AP3S2: variants seen among roughly 807,000 people sequenced by gnomAD.
The protein encoded by AP3S2 is adaptor related protein complex 3 subunit sigma 2, also known as AP-3 complex subunit sigma-2.
Under a neutral mutation model 23.4 loss-of-function variants are expected in AP3S2, and 22 were observed. The observed-to-expected ratio is 0.94, with a 90% CI of 0.67 to 1.34. AP3S2 has a LOEUF of 1.34. AP3S2 is among the 40% of genes most tolerant of loss of function. AP3S2 has a pLI of 0.00. For synonymous variants in AP3S2, 86 were observed against 87.1 expected (o/e 0.99, Z 0.07); for missense variants, 241 against 236.9 (o/e 1.02, Z -0.11).
At position 89,837,712 on chromosome 15, in the gene AP3S2, A is replaced by G; in HGVS notation, c.356T>C (p.Ile119Thr). 2.5e-6 allele frequency: 4 copies of G among 1,614,052 alleles called. No homozygotes were observed. Among genetic ancestry groups the G allele is most frequent in the Non-Finnish European group, 3.4e-6 (4 of 1,179,966 alleles). Residue 119 changes from isoleucine to threonine, a missense_variant, in exon 5 of 6, where the codon ATC (isoleucine) becomes ACC (threonine). Coordinates refer to ENST00000336418, the MANE Select transcript of AP3S2 (RefSeq NM_005829.5). ...LIFHMDKVHY[I>T]LQEVVMGGMV... ...CCCACCCATCACCACCTCCTGGAGG[A>G]TGTAGTGCACCTAAAAGGGAAGCAA... is the stretch of plus-strand genomic sequence containing the variant.
chr15:89,864,456 T>C (rs1896071761), intron 4 of AP3S2, among the ~76,000 whole-genome samples: 1 of 152,184 alleles, frequency 6.6e-6, no homozygotes, highest in Non-Finnish European at 1.5e-5. Flanking sequence ...AAAAAACCTA[T>C]AGCAAATACT....
chr15:89,858,489 AAGAAAGAGAGAGAGAGAGAGAG>A (rs1462867436), intron 4 of AP3S2, among the ~76,000 whole-genome samples: 1 of 41,788 alleles, frequency 2.4e-5, no homozygotes, highest in Non-Finnish European at 5.7e-5. Context: ...GAAAGAAAGA[AAGAAAGAGAGAGAGAGAGAGAG>A]AGAGAGAGAG....
chr15:89,889,681 A>C (rs1896774163), intron 1 of AP3S2, among the ~76,000 whole-genome samples: 1 of 151,794 alleles, frequency 6.6e-6, no homozygotes, highest in African/African-American at 2.4e-5. Flanking sequence ...TAAAAATACA[A>C]AAAAAAACAA....
chr15:89,843,347 C>A (rs1360373914), intron 4 of AP3S2, among the ~76,000 whole-genome samples: 1 of 151,040 alleles, frequency 6.6e-6, no homozygotes, highest in African/African-American at 2.4e-5. Context: ...ACTGGAAAAA[C>A]TATGGCAGGG....
At chr15:89,885,323 C>T (rs1336649001) in intron 3 of AP3S2, among the ~76,000 whole-genome samples, 2 of 152,036 alleles carry the variant, frequency 1.3e-5, no homozygotes, top group Non-Finnish European at 2.9e-5. Flanking sequence ...GCTACCCAAA[C>T]AGCCAAGCAG....
In AP3S2 at chr15:89,833,826, A is replaced by G. The variant is rs1294341202; in HGVS notation, c.*1689T>C. 6.6e-6 allele frequency: 1 copy of G among 152,214 alleles called. No individual in the cohort carries two copies. Among genetic ancestry groups the G allele is most frequent in the Non-Finnish European group, 1.5e-5 (1 of 68,068 alleles). 9.4% of individuals were successfully genotyped at this position (152,214 alleles called of 1,614,324 possible). ...TGAGCAGTGGGCACAAACCACAGGG[A>G]GCGCTGTTCAAAAATGGAAAACAAG... On this transcript the variant is annotated 3_prime_UTR_variant, in exon 6 of 6. Coordinates refer to ENST00000336418, the MANE Select transcript of AP3S2 (RefSeq NM_005829.5).
At chr15:89,886,147 G>A (rs1019707037) in intron 3 of AP3S2, among the ~76,000 whole-genome samples, 3 of 151,866 alleles carry the variant, frequency 2.0e-5, no homozygotes, top group African/African-American at 7.3e-5. Context: ...TCAGGATATC[G>A]AGACCATCTT....
chr15:89,849,842 G>A (rs944991226), intron 4 of AP3S2, among the ~76,000 whole-genome samples: 1 of 151,732 alleles, frequency 6.6e-6, no homozygotes, highest in African/African-American at 2.4e-5. Context: ...CCCTACCCCC[G>A]AGAGGTGCTG....
intron 4 of AP3S2, among the ~76,000 whole-genome samples, chr15:89,868,967 C>T (rs1381204764): frequency 1.5e-4 from 22 of 146,210 alleles, no homozygotes; most frequent in African/African-American, 4.4e-4. Flanking sequence ...GCCCCCTGCC[C>T]GGCCAGCCGC....
chr15:89,862,892 G>C (rs1896037551), intron 4 of AP3S2, among the ~76,000 whole-genome samples: 1 of 152,116 alleles, frequency 6.6e-6, no homozygotes, highest in African/African-American at 2.4e-5. Flanking sequence ...AATAGTGTGA[G>C]CATGAAAATT....
chr15:89,839,412 C>T (rs190836186), intron 4 of AP3S2, among the ~76,000 whole-genome samples: 1 of 152,184 alleles, frequency 6.6e-6, no homozygotes, highest in Admixed American at 6.5e-5. Context: ...CACACTCTCA[C>T]GAGGTGTTCT....
chr15:89,872,586 T>C (rs1896346894), intron 3 of AP3S2, among the ~76,000 whole-genome samples: 2 of 152,208 alleles, frequency 1.3e-5, no homozygotes, highest in African/African-American at 4.8e-5. Context: ...AGCAGTGTCA[T>C]GAATTGTTCG....
chr15:89,857,746 T>C (rs1199380438), intron 4 of AP3S2, among the ~76,000 whole-genome samples: 1 of 152,208 alleles, frequency 6.6e-6, no homozygotes, highest in Non-Finnish European at 1.5e-5. Flanking sequence ...TAACTTTTCC[T>C]CTAAGAAAAT....
chr15:89,859,405 T>G (rs917682791), intron 4 of AP3S2, among the ~76,000 whole-genome samples: 5 of 146,436 alleles, frequency 3.4e-5, no homozygotes, highest in African/African-American at 1.0e-4. Flanking sequence ...CTTTCTTTTT[T>G]TTTTTTGAGA....
At chr15:89,873,089 A>G (rs1896357997) in intron 3 of AP3S2, among the ~76,000 whole-genome samples, 1 of 152,180 alleles carries the variant, frequency 6.6e-6, no homozygotes, top group South Asian at 2.1e-4. Context: ...ATTTCACTAT[A>G]AGGACACATA....
chr15:89,872,961 G>C (rs1296581634), intron 3 of AP3S2, among the ~76,000 whole-genome samples: 1 of 152,096 alleles, frequency 6.6e-6, no homozygotes, highest in East Asian at 1.9e-4. Context: ...CTATGATCTA[G>C]GAATTCTACT....
At chr15:89,844,478 T>C (rs529327956) in intron 4 of AP3S2, among the ~76,000 whole-genome samples, 49 of 151,630 alleles carry the variant, frequency 3.2e-4, no homozygotes, top group Admixed American at 1.2e-3. Context: ...GCTGGGCCTA[T>C]AGGCATGTGC....
intron 4 of AP3S2, among the ~76,000 whole-genome samples, chr15:89,858,483 GAAAGAA>G (rs1407626146): frequency 2.0e-3 from 83 of 41,084 alleles, no homozygotes; most frequent in Middle Eastern, 8.5e-3. Flanking sequence ...AAGAAAGAAA[GAAAGAA>G]AGAAAGAGAG....
chr15:89,862,500 T>C (rs1009801537), intron 4 of AP3S2, among the ~76,000 whole-genome samples: 1 of 152,188 alleles, frequency 6.6e-6, no homozygotes, highest in African/African-American at 2.4e-5. Context: ...GGAAAAAAAG[T>C]ATATATGTAT....
Sources: allele counts gnomAD v4.1 joint callset (sites outside exome capture counted in the v4.1 genomes callset), GRCh38; gene constraint gnomAD v4.1.1; transcripts MANE v1.5; gene names NCBI Gene and HGNC (gene_info 2026-07-23, HGNC 2026-07-21).